Variants in ARHGAP35 observed in about 807,000 individuals in gnomAD.
The protein encoded by ARHGAP35 is Rho GTPase activating protein 35, also known as rho GTPase-activating protein 35.
Under a neutral mutation model 111.1 loss-of-function variants are expected in ARHGAP35, and 15 were observed. That is an observed-to-expected ratio of 0.13 (90% CI 0.09 to 0.21). The LOEUF (loss-of-function observed/expected upper bound fraction) is 0.21, where lower values mean the gene tolerates loss of function less well. ARHGAP35 is among the 10% of genes least tolerant of loss of function. The probability of loss-of-function intolerance (pLI) is 1.00; values close to 1 mark genes in which losing one functional copy is unlikely to be tolerated. For missense variants in ARHGAP35, 1,262 were observed against 1,873.0 expected (o/e 0.67, Z 6.02); for synonymous variants, 643 against 710.3 (o/e 0.91, Z 1.51).
chr19:46,878,968 G>A (rs777128037), intron 1 of ARHGAP35, among the ~76,000 whole-genome samples: 7 of 152,096 alleles, frequency 4.6e-5, no homozygotes, highest in African/African-American at 4.8e-5. Context: ...TCTTCCTTTC[G>A]TGAAAGATTT....
At chr19:46,917,196 T>C (rs2056169157) in intron 1 of ARHGAP35, among the ~76,000 whole-genome samples, 1 of 152,252 alleles carries the variant, frequency 6.6e-6, no homozygotes, top group Admixed American at 6.5e-5. Flanking sequence ...TCTATGAGTT[T>C]GACTACTCTT....
intron 1 of ARHGAP35, among the ~76,000 whole-genome samples, chr19:46,904,079 C>G (rs902636582): frequency 1.3e-5 from 2 of 152,054 alleles, no homozygotes; most frequent in African/African-American, 4.8e-5. Context: ...CACTTTGACT[C>G]TAGGGTCTTG....
chr19:46,937,117 G>C (rs1216029316), intron 2 of ARHGAP35, 147 bp from the exon 3 acceptor site: 1 of 1,013,686 alleles, frequency 9.9e-7, no homozygotes, highest in Non-Finnish European at 1.4e-6. Flanking sequence ...TGGGAATACA[G>C]GCATGAGTCA....
At chr19:46,892,123 TAAAAAAAAAA>T (rs1178888092) in intron 1 of ARHGAP35, among the ~76,000 whole-genome samples, 1 of 53,894 alleles carries the variant, frequency 1.9e-5, no homozygotes, top group Non-Finnish European at 3.6e-5. Context: ...CTGTCTCTAC[TAAAAAAAAAA>T]AAAAAAAAAA....
chr19:46,897,311 A>G (rs995450228), intron 1 of ARHGAP35, among the ~76,000 whole-genome samples: 4 of 152,056 alleles, frequency 2.6e-5, no homozygotes, highest in African/African-American at 9.7e-5. Context: ...ATTGGGGTGC[A>G]CTTATTTTCT....
rs752976959 is a variant in ARHGAP35 at position 46,919,284 on chromosome 19, C to T, written c.609C>T (p.Asp203=). ...TAGTGGTGGTCCTGACTAAGTGTGA[C>T]GAAGGTGTTGAGCGGTACATTAGAG... ...KPIVVVLTKC[D]EGVERYIRDA... Residue 203 remains aspartate, a synonymous_variant, in exon 2 of 7, where the codon GAC becomes GAT. Transcript: ENST00000672722. The surrounding 1 kb of genome is among the most constrained non-coding windows in gnomAD (Gnocchi z 6.2). The T allele has an allele frequency of 9.3e-6, 15 of 1,613,784 alleles. No individual in the cohort carries two copies. The highest frequency in any genetic ancestry group is 1.7e-5 in the Admixed American group (1 of 59,986).
chr19:46,922,438 A>C lies in ARHGAP35; in HGVS notation c.3681+82A>C. 7.4e-7 allele frequency: 1 copy of C among 1,344,090 alleles called. No homozygotes were observed. The highest frequency in any genetic ancestry group is 9.8e-7 in the Non-Finnish European group (1 of 1,018,264). 83.3% of individuals were successfully genotyped at this position (1,344,090 alleles called of 1,614,324 possible). A position where few individuals can be genotyped will look rare whatever the true frequency, so the allele number is the denominator to read the frequency against. On this transcript the variant is annotated intron_variant, in intron 2 of 6. Transcript: ENST00000672722. The surrounding 1 kb of genome is among the most constrained non-coding windows in gnomAD (Gnocchi z 4.0). Reference sequence around the variant, plus strand: ...TGATTGATGATGATTTTTCAAGGACAACCTATTCTGGTAAAAAAAAAACTG... The same window carrying C: ...TGATTGATGATGATTTTTCAAGGACCACCTATTCTGGTAAAAAAAAAACTG...
Position 47,001,076 on chromosome 19 carries a change from A to T in ARHGAP35, c.*388A>T. 1 of 1,303,108 alleles carries T rather than the reference A, an allele frequency of 7.7e-7. No individual in the cohort carries two copies. Among genetic ancestry groups the T allele is most frequent in the African/African-American group, 1.5e-5 (1 of 67,208 alleles). 80.7% of individuals were successfully genotyped at this position (1,303,108 alleles called of 1,614,324 possible). ...TTGCCGGGGAGGAGGATGCTCTGAG[A>T]TTCAGGGTGGGGCTGGCAACCCCTG... On this transcript the variant is annotated 3_prime_UTR_variant, in exon 7 of 7. Coordinates refer to ENST00000672722, the MANE Select transcript of ARHGAP35 (RefSeq NM_004491.5). The surrounding 1 kb of genome is among the most constrained non-coding windows in gnomAD (Gnocchi z 5.4).
At chr19:46,880,290 A>G (rs1347068321) in intron 1 of ARHGAP35, among the ~76,000 whole-genome samples, 1 of 146,324 alleles carries the variant, frequency 6.8e-6, no homozygotes, top group Non-Finnish European at 1.5e-5. Context: ...AAATTTGCCG[A>G]GCATGGTGGT....
rs1220001069 is a variant in ARHGAP35, at chr19:46,908,158, CA to C, written c.-188-10325del. Among the ~76,000 whole-genome samples, 1 of 152,062 alleles carries C rather than the reference CA, an allele frequency of 6.6e-6. No homozygotes were observed. Among genetic ancestry groups the C allele is most frequent in the African/African-American group, 2.4e-5 (1 of 41,392 alleles). On this transcript the variant is annotated intron_variant, in intron 1 of 6. Transcript: ENST00000672722. The surrounding 1 kb of genome is among the most constrained non-coding windows in gnomAD (Gnocchi z 4.2). ...GACATTTATATAGAGAATGTTCTTTCAAAAAGAACTTTTTTCCTAGTGAGAA... is the reference window on the plus strand; with the variant it reads ...GACATTTATATAGAGAATGTTCTTTCAAAAGAACTTTTTTCCTAGTGAGAA...
chr19:46,872,882 A>G (rs1176723025), intron 1 of ARHGAP35, among the ~76,000 whole-genome samples: 4 of 149,434 alleles, frequency 2.7e-5, no homozygotes, highest in East Asian at 2.0e-4. Context: ...CTCCGTCTCA[A>G]AAAAAAAAAA....
At chr19:46,907,793 G>A (rs2056118535) in intron 1 of ARHGAP35, among the ~76,000 whole-genome samples, 1 of 152,110 alleles carries the variant, frequency 6.6e-6, no homozygotes, top group Non-Finnish European at 1.5e-5. Context: ...TTCTTAGGTT[G>A]GCCTTAGCTT....
intron 3 of ARHGAP35, among the ~76,000 whole-genome samples, chr19:46,976,230 T>G (rs1023382190): frequency 4.8e-5 from 7 of 144,870 alleles, no homozygotes; most frequent in African/African-American, 1.8e-4. Context: ...TTTTTTTTTT[T>G]GCTACCATTC....
intron 5 of ARHGAP35, among the ~76,000 whole-genome samples, chr19:46,998,307 G>A (rs1022792936): frequency 6.6e-6 from 1 of 152,146 alleles, no homozygotes; most frequent in African/African-American, 2.4e-5. Context: ...ACAGCCGCCA[G>A]CTGTGAGGTC....
In ARHGAP35 at chr19:46,921,086, T is replaced by C. The variant is rs2056196713; in HGVS notation, c.2411T>C (p.Leu804Pro). 6.2e-7 allele frequency: 1 copy of C among 1,614,006 alleles called. No individual in the cohort carries two copies. The highest frequency in any genetic ancestry group is 8.5e-7 in the Non-Finnish European group (1 of 1,179,884). The change falls in exon 2 of 7, where the codon CTT becomes CCT. Residue 804 changes from leucine (L) to proline (P), a missense_variant. By Grantham distance (98) the Leu-to-Pro change is moderately conservative. Coordinates refer to ENST00000672722, the MANE Select transcript of ARHGAP35 (RefSeq NM_004491.5). This position sits in a 1 kb window ranked among gnomAD's most constrained non-coding sequence, Gnocchi z 4.3. The stretch of plus-strand genomic sequence containing the variant: ...GCAGATGACATACTTTTTCCTGTCC[T>C]TCAGTCCCAAACCTGTAAATCTTCC... Reference protein sequence around the residue: ...FSADDILFPVLQSQTCKSSHC... With the variant: ...FSADDILFPVPQSQTCKSSHC...
At chr19:46,891,421 G>C (rs1015973046) in intron 1 of ARHGAP35, among the ~76,000 whole-genome samples, 3 of 144,704 alleles carry the variant, frequency 2.1e-5, no homozygotes, top group South Asian at 2.2e-4. Flanking sequence ...GCTAGGGCAA[G>C]TTTTTTTTTT....
chr19:46,966,728 T>A lies in ARHGAP35; in HGVS notation c.3827-21261T>A, dbSNP rs542581856. ...TGTAATAAGTTAGTCTATAATAATA[T>A]TTCTGGCCTATCAAGTACAAGGCAT... is the stretch of plus-strand genomic sequence containing the variant. On this transcript the variant is annotated intron_variant, in intron 3 of 6. Transcript: ENST00000672722. Among the ~76,000 whole-genome samples the A allele has an allele frequency of 8.0e-4, 122 of 152,328 alleles. No homozygotes were observed. The Middle Eastern group carries it at 0.014, about 17-fold the overall frequency.
intron 3 of ARHGAP35, among the ~76,000 whole-genome samples, chr19:46,953,714 G>C (rs1307773078): frequency 2.0e-5 from 3 of 152,260 alleles, no homozygotes; most frequent in Non-Finnish European, 4.4e-5. Context: ...ATACTTGAAA[G>C]GGTAGAGTAG....
intron 3 of ARHGAP35, 56 bp downstream of exon 3, chr19:46,937,464 T>A: frequency 6.3e-7 from 1 of 1,588,876 alleles, no homozygotes; most frequent in Non-Finnish European, 8.6e-7. Flanking sequence ...GGATGCTTAC[T>A]GGAGGGTCAA....
Sources: allele counts gnomAD v4.1 joint callset (sites outside exome capture counted in the v4.1 genomes callset), GRCh38; gene constraint gnomAD v4.1.1; non-coding constraint Gnocchi (gnomAD v3.1); transcripts MANE v1.5; gene names NCBI Gene and HGNC (gene_info 2026-07-23, HGNC 2026-07-21).